The following STN1 variants were observed in gnomAD, a reference collection of about 807,000 sequenced individuals.
STN1 encodes STN1 subunit of CST complex, also known as CST complex subunit STN1.
STN1 carries 29 observed loss-of-function variants against 45.5 expected under a neutral mutation model. The ratio of observed to expected loss-of-function variants is 0.64; its 90% CI spans 0.47 to 0.87. The LOEUF is 0.87. Ranked by LOEUF, STN1 falls within the 40% of genes least tolerant of loss-of-function variation. STN1 has a pLI of 0.00. For missense variants in STN1, 376 were observed against 441.4 expected (o/e 0.85, Z 1.33); for synonymous variants, 148 against 159.0 (o/e 0.93, Z 0.52).
At position 103,909,486 on chromosome 10, in the gene STN1, ATG is replaced by A. The variant is rs747279816; in HGVS notation, c.229+1039_229+1040del. 1.7e-3 allele frequency among the ~76,000 whole-genome samples: 88 copies of A among 53,100 alleles called. 18 individuals are homozygous for A. The highest frequency in any genetic ancestry group is 3.1e-3 in the African/African-American group (56 of 18,200). The allele number at this position is 53,100 out of a possible 152,430, so 34.8% of individuals were successfully genotyped here. A position where few individuals can be genotyped will look rare whatever the true frequency, so the allele number is the denominator to read the frequency against. ...TATATATATGTATATATGTATATAT[ATG>A]TGTGTGTGTATATGTATATATGTAT... On this transcript the variant is annotated intron_variant, in intron 3 of 9. Transcript: ENST00000224950.
intron 9 of STN1, among the ~76,000 whole-genome samples, chr10:103,885,298 G>T (rs1034439983): frequency 1.3e-5 from 2 of 152,124 alleles, no homozygotes; most frequent in African/African-American, 4.8e-5. Context: ...GGAGGGTGAG[G>T]GGCTCCAACC....
chr10:103,902,998 G>A (rs553896468), intron 4 of STN1, among the ~76,000 whole-genome samples: 1 of 152,194 alleles, frequency 6.6e-6, no homozygotes, highest in African/African-American at 2.4e-5. Context: ...AAAAAATTAC[G>A]AAGTATAAGA....
chr10:103,894,398 C>G (rs1021889750), intron 7 of STN1, among the ~76,000 whole-genome samples: 1 of 152,236 alleles, frequency 6.6e-6, no homozygotes, highest in East Asian at 1.9e-4. Flanking sequence ...AGAGACAATG[C>G]TAGGCCTAGG....
At chr10:103,915,106 T>C (rs749919447) in intron 2 of STN1, among the ~76,000 whole-genome samples, 2 of 152,236 alleles carry the variant, frequency 1.3e-5, no homozygotes, top group Non-Finnish European at 1.5e-5. Flanking sequence ...AGGCAGGGTC[T>C]GGGAGGGCAC....
At chr10:103,885,526 T>A (rs1843097807) in intron 9 of STN1, among the ~76,000 whole-genome samples, 1 of 152,190 alleles carries the variant, frequency 6.6e-6, no homozygotes, top group Non-Finnish European at 1.5e-5. Context: ...TCAAAAGTGA[T>A]CTCCAGTCAC....
intron 7 of STN1, among the ~76,000 whole-genome samples, chr10:103,895,135 G>A (rs925435386): frequency 2.0e-4 from 30 of 152,112 alleles, no homozygotes; most frequent in Non-Finnish European, 2.1e-4. Context: ...CAATGTGAGG[G>A]ACTAATTCAT....
At chr10:103,889,007 G>A in intron 9 of STN1, 65 bp downstream of exon 9, 2 of 1,149,576 alleles carry the variant, frequency 1.7e-6, no homozygotes, top group South Asian at 1.2e-5. Flanking sequence ...TCCATCCAGT[G>A]CTCCCCGGGA....
At chr10:103,905,272 C>A (rs1843233565) in intron 3 of STN1, 116 bp from the exon 4 acceptor site, 2 of 876,646 alleles carry the variant, frequency 2.3e-6, no homozygotes, top group South Asian at 2.8e-5. Flanking sequence ...CCTGGAGAAG[C>A]AAATCCCTTA....
intron 7 of STN1, among the ~76,000 whole-genome samples, chr10:103,892,702 A>G (rs1843147680): frequency 6.6e-6 from 1 of 152,166 alleles, no homozygotes; most frequent in Non-Finnish European, 1.5e-5. Flanking sequence ...GAAGTATTAA[A>G]TAGCCTCATT....
chr10:103,914,276 T>C (rs1164193963), intron 2 of STN1, among the ~76,000 whole-genome samples: 2 of 148,698 alleles, frequency 1.3e-5, no homozygotes, highest in African/African-American at 2.5e-5. Flanking sequence ...TTGACATGGA[T>C]AGAGATATTT....
chr10:103,917,982 C>A (rs1843346184), intron 1 of STN1, 118 bp downstream of exon 1: 1 of 182,138 alleles, frequency 5.5e-6, no homozygotes, highest in African/African-American at 2.4e-5. Context: ...GGCGCCCTCG[C>A]AGCCCTGCAC....
chr10:103,882,226 G>C lies in STN1; in HGVS notation c.*458C>G, dbSNP rs2134353750. Among the ~76,000 whole-genome samples, 1 of 152,338 alleles carries C rather than the reference G, an allele frequency of 6.6e-6. No individual in the cohort carries two copies. Among genetic ancestry groups the C allele is most frequent in the East Asian group, 1.9e-4 (1 of 5,184 alleles). On this transcript the variant is annotated 3_prime_UTR_variant, in exon 10 of 10. Coordinates refer to ENST00000224950, the MANE Select transcript of STN1 (RefSeq NM_024928.5). ...CCCTAAACCGGTTCTTAGCCAGCAA[G>C]AGAGGCCCACAGGAAGGTCTCTGAT...
At position 103,909,488 on chromosome 10, in the gene STN1, G is replaced by A. The variant is rs111357048; in HGVS notation, c.229+1039C>T. 8.1e-4 allele frequency among the ~76,000 whole-genome samples: 27 copies of A among 33,170 alleles called. 1 individual carries two copies. The highest frequency in any genetic ancestry group is 2.1e-3 in the Admixed American group (5 of 2,382). 21.8% of individuals were successfully genotyped at this position (33,170 alleles called of 152,430 possible). On this transcript the variant is annotated intron_variant, in intron 3 of 9. Transcript: ENST00000224950. ...TATATATGTATATATGTATATATATGTGTGTGTGTATATGTATATATGTAT... is the reference window on the plus strand; with the variant it reads ...TATATATGTATATATGTATATATATATGTGTGTGTATATGTATATATGTAT...
intron 4 of STN1, among the ~76,000 whole-genome samples, chr10:103,901,204 C>G (rs1332210451): frequency 6.6e-6 from 1 of 152,150 alleles, no homozygotes; most frequent in Non-Finnish European, 1.5e-5. Context: ...GTTTTCCTGT[C>G]TAGCATAATT....
At chr10:103,886,535 A>G (rs1285721906) in intron 9 of STN1, among the ~76,000 whole-genome samples, 2 of 152,126 alleles carry the variant, frequency 1.3e-5, no homozygotes, top group Non-Finnish European at 2.9e-5. Flanking sequence ...GATTTTGTCA[A>G]CTTTACTCCA....
chr10:103,893,806 C>G (rs1056951814), intron 7 of STN1, among the ~76,000 whole-genome samples: 6 of 152,226 alleles, frequency 3.9e-5, no homozygotes, highest in African/African-American at 1.4e-4. Flanking sequence ...CAAATGTGTT[C>G]TCCTGGGCTA....
rs1363115190 is a variant in STN1, at chr10:103,905,692, A to T, written c.230-536T>A. ...TGGCCTGGGTTTCTCTTTGTGAAAG[A>T]TCTTTTGCCCAGTCCTCACCACCGC... is the stretch of plus-strand genomic sequence containing the variant. On this transcript the variant is annotated intron_variant, in intron 3 of 9. Transcript: ENST00000224950. Among the ~76,000 whole-genome samples the T allele has an allele frequency of 3.3e-5, 5 of 152,168 alleles. No individual in the cohort carries two copies. In the East Asian group the frequency reaches 9.6e-4, roughly 29 times the overall value.
chr10:103,884,091 A>C (rs1479521641), intron 9 of STN1, among the ~76,000 whole-genome samples: 1 of 37,908 alleles, frequency 2.6e-5, no homozygotes, highest in South Asian at 6.7e-4. Flanking sequence ...CTCCATCTCA[A>C]AAAAAAAAAA....
intron 3 of STN1, among the ~76,000 whole-genome samples, chr10:103,906,514 A>T (rs1395481386): frequency 6.6e-6 from 1 of 152,050 alleles, no homozygotes; most frequent in African/African-American, 2.4e-5. Flanking sequence ...TTTTTAAATT[A>T]GCCAGGCTTG....
Sources: allele counts gnomAD v4.1 joint callset (sites outside exome capture counted in the v4.1 genomes callset), GRCh38; gene constraint gnomAD v4.1.1; transcripts MANE v1.5; gene names NCBI Gene and HGNC (gene_info 2026-07-23, HGNC 2026-07-21).